The following GABRG3 variants were observed in gnomAD, a reference collection of about 807,000 sequenced individuals.
The protein encoded by GABRG3 is gamma-aminobutyric acid receptor subunit gamma-3.
A neutral mutation model predicts 48.8 loss-of-function variants in GABRG3; 25 were observed. That is an observed-to-expected ratio of 0.51 (90% CI 0.37 to 0.72). The LOEUF is 0.72. Ranked by LOEUF, GABRG3 falls within the 30% of genes least tolerant of loss-of-function variation. The pLI, the probability that GABRG3 is intolerant of heterozygous loss-of-function variation, is 0.00. For synonymous variants in GABRG3, 227 were observed against 217.6 expected, an observed-to-expected ratio of 1.04 and a Z score of -0.38; for missense variants, 394 against 577.9, an observed-to-expected ratio of 0.68 and a Z score of 3.26.
chr15:27,265,643 A>G (rs1566985981), intron 3 of GABRG3, among the ~76,000 whole-genome samples: 1 of 152,174 alleles, frequency 6.6e-6, no homozygotes, highest in Non-Finnish European at 1.5e-5. Flanking sequence ...ACTAGGAAAC[A>G]TGATTTGAGC....
intron 5 of GABRG3, among the ~76,000 whole-genome samples, chr15:27,330,488 A>G (rs1893768030): frequency 6.6e-6 from 1 of 152,208 alleles, no homozygotes; most frequent in Non-Finnish European, 1.5e-5. Context: ...ACGTGTTCTC[A>G]CTGGAAACCT....
At chr15:27,125,273 T>C (rs956322309) in intron 3 of GABRG3, among the ~76,000 whole-genome samples, 1 of 151,994 alleles carries the variant, frequency 6.6e-6, no homozygotes, top group African/African-American at 2.4e-5. Context: ...TGGTCTCACT[T>C]ATATGTGGGA....
At chr15:27,013,389 G>T (rs992402569) in intron 2 of GABRG3, among the ~76,000 whole-genome samples, 1 of 151,992 alleles carries the variant, frequency 6.6e-6, no homozygotes, top group Non-Finnish European at 1.5e-5. Context: ...TAGTCCATTT[G>T]TCTATTTTTG....
At chr15:27,308,374 C>T (rs1259425578) in intron 3 of GABRG3, among the ~76,000 whole-genome samples, 1 of 127,660 alleles carries the variant, frequency 7.8e-6, no homozygotes, top group African/African-American at 3.1e-5. Flanking sequence ...AACATATAAA[C>T]ATTTGTTTAT....
intron 3 of GABRG3, among the ~76,000 whole-genome samples, chr15:27,144,516 C>T (rs1898163320): frequency 6.6e-6 from 1 of 151,256 alleles, no homozygotes; most frequent in South Asian, 2.1e-4. Flanking sequence ...AACTATTTGT[C>T]ACAACACCTG....
In GABRG3 at chr15:27,477,811, C is replaced by T. The variant is rs571421034; in HGVS notation, c.575-2839C>T. On this transcript the variant is annotated intron_variant, in intron 5 of 9. Coordinates refer to ENST00000615808, the MANE Select transcript of GABRG3 (RefSeq NM_033223.5). The stretch of plus-strand genomic sequence containing the variant: ...ATCCCAGCACTTTGGAAGGCCAAGG[C>T]GGGCAGATCACAAGGTCAGGAGATC... 1.6e-4 allele frequency among the ~76,000 whole-genome samples: 24 copies of T among 152,164 alleles called. No homozygotes were observed. In the East Asian group the frequency reaches 2.1e-3, roughly 14 times the overall value.
At chr15:26,986,803 T>G (rs116046250) in intron 2 of GABRG3, among the ~76,000 whole-genome samples, 2,152 of 152,266 alleles carry the variant, frequency 0.014, 50 homozygotes, top group African/African-American at 0.049. Flanking sequence ...TTTCTTATGT[T>G]TATTCATTAC....
At chr15:27,442,004 T>G (rs12903540) in intron 5 of GABRG3, among the ~76,000 whole-genome samples, 41,730 of 152,072 alleles carry the variant, frequency 0.27, 7,756 homozygotes, top group African/African-American at 0.51. Context: ...GCTTACACTA[T>G]GGGACACCTT....
At chr15:27,487,588 G>A (rs956409454) in intron 6 of GABRG3, among the ~76,000 whole-genome samples, 21 of 152,064 alleles carry the variant, frequency 1.4e-4, no homozygotes, top group South Asian at 8.3e-4. Flanking sequence ...TCTGACTCCC[G>A]GTTTCCAGAA....
chr15:27,122,292 A>G (rs1897744580), intron 3 of GABRG3, among the ~76,000 whole-genome samples: 2 of 152,174 alleles, frequency 1.3e-5, no homozygotes, highest in Non-Finnish European at 2.9e-5. Context: ...TGGCCAAATA[A>G]TATAGATACT....
chr15:27,119,090 T>TACC (rs1897689836), intron 3 of GABRG3, among the ~76,000 whole-genome samples: 1 of 152,154 alleles, frequency 6.6e-6, no homozygotes. Flanking sequence ...TACCTCCCTG[T>TACC]ACCCGGAGGA....
At chr15:27,529,169 C>A (rs777210071) in intron 9 of GABRG3, among the ~76,000 whole-genome samples, 1 of 152,134 alleles carries the variant, frequency 6.6e-6, no homozygotes, top group Non-Finnish European at 1.5e-5. Flanking sequence ...AACCTTTCTA[C>A]AAATGAGGAA....
At chr15:27,189,369 G>A (rs1888215700) in intron 3 of GABRG3, among the ~76,000 whole-genome samples, 1 of 152,152 alleles carries the variant, frequency 6.6e-6, no homozygotes, top group South Asian at 2.1e-4. Context: ...AGCATGGAAT[G>A]TTCTTCCATT....
intron 2 of GABRG3, among the ~76,000 whole-genome samples, chr15:26,985,973 G>A (rs115919605): frequency 0.01 from 1,553 of 152,226 alleles, 33 homozygotes; most frequent in African/African-American, 0.036. Context: ...GGGGTCCCTC[G>A]ATCCACTGTG....
intron 3 of GABRG3, among the ~76,000 whole-genome samples, chr15:27,206,256 T>C (rs1888848381): frequency 6.6e-6 from 1 of 152,210 alleles, no homozygotes; most frequent in Non-Finnish European, 1.5e-5. Flanking sequence ...GTTGTATTTT[T>C]GTTTTCATTA....
chr15:27,207,549 A>G (rs1006985021), intron 3 of GABRG3, among the ~76,000 whole-genome samples: 8 of 152,218 alleles, frequency 5.3e-5, no homozygotes, highest in Non-Finnish European at 1.2e-4. Flanking sequence ...TCTAGTGGAA[A>G]GTTCTGTCCA....
At chr15:27,004,018 C>T (rs1028961457) in intron 2 of GABRG3, among the ~76,000 whole-genome samples, 7 of 146,864 alleles carry the variant, frequency 4.8e-5, no homozygotes, top group Admixed American at 6.7e-5. Flanking sequence ...GGCGGCTGTC[C>T]GGGCGGGGGG....
intron 5 of GABRG3, among the ~76,000 whole-genome samples, chr15:27,472,225 TATTA>T (rs931017047): frequency 1.3e-5 from 2 of 152,176 alleles, no homozygotes; most frequent in African/African-American, 2.4e-5. Context: ...TCTACTAGTT[TATTA>T]ATTAATTCCT....
At chr15:27,172,857 G>A (rs551642175) in intron 3 of GABRG3, among the ~76,000 whole-genome samples, 16 of 152,178 alleles carry the variant, frequency 1.1e-4, no homozygotes, top group Middle Eastern at 3.4e-3. Context: ...CATAGACAGC[G>A]TCATCGTCCA....
Sources: gnomAD v4.1 joint callset for allele counts (sites outside exome capture counted in the v4.1 genomes callset) on GRCh38, gnomAD v4.1.1 for gene constraint, MANE v1.5 for transcripts, NCBI Gene and HGNC (gene_info 2026-07-23, HGNC 2026-07-21) for gene names.